The following APBB1IP variants were observed in gnomAD, a reference collection of about 807,000 sequenced individuals.
APBB1IP encodes amyloid beta A4 precursor protein-binding family B member 1-interacting protein.
In APBB1IP, 27 loss-of-function variants were observed where a neutral mutation model predicts 64.9. The observed-to-expected ratio is 0.42, with a 90% confidence interval of 0.31 to 0.57. APBB1IP has a LOEUF of 0.57. APBB1IP is among the 20% of genes least tolerant of loss of function. APBB1IP has a pLI of 0.20. For synonymous variants in APBB1IP, 392 were observed against 331.0 expected (o/e 1.18, Z -2.00); for missense variants, 812 against 845.5 (o/e 0.96, Z 0.49).
At chr10:26,493,589 G>A (rs1203019423) in intron 3 of APBB1IP, among the ~76,000 whole-genome samples, 1 of 152,150 alleles carries the variant, frequency 6.6e-6, no homozygotes, top group African/African-American at 2.4e-5. Context: ...CTGAAGATTG[G>A]CAACATTATA....
At chr10:26,538,874 A>G (rs1836662140) in intron 10 of APBB1IP, among the ~76,000 whole-genome samples, 1 of 152,200 alleles carries the variant, frequency 6.6e-6, no homozygotes, top group Non-Finnish European at 1.5e-5. Flanking sequence ...GCTGTGCCAA[A>G]ACATTAGATA....
At position 26,566,839 on chromosome 10, in the gene APBB1IP, G is replaced by A. The variant is rs1296233830; in HGVS notation, c.1474-122G>A. On this transcript the variant is annotated intron_variant, in intron 14 of 14. Coordinates refer to ENST00000376236, the MANE Select transcript of APBB1IP (RefSeq NM_019043.4). ...GGAGGTCGAGGCTGCAGTAAGTCCA[G>A]ATCGCGCCACTGCACTCAGCCTGGG... is the stretch of plus-strand genomic sequence containing the variant. 8.8e-6 allele frequency: 10 copies of A among 1,141,154 alleles called. No homozygotes were observed. In the East Asian group the frequency reaches 2.8e-4, roughly 32 times the overall value. 70.7% of individuals were successfully genotyped at this position (1,141,154 alleles called of 1,614,324 possible).
At chr10:26,471,325 A>T (rs1249448165) in intron 2 of APBB1IP, among the ~76,000 whole-genome samples, 1 of 152,170 alleles carries the variant, frequency 6.6e-6, no homozygotes, top group Non-Finnish European at 1.5e-5. Flanking sequence ...CTGCAAGATA[A>T]TTTTGGGGAG....
chr10:26,518,956 C>G (rs1836367041), intron 8 of APBB1IP, among the ~76,000 whole-genome samples: 2 of 152,126 alleles, frequency 1.3e-5, no homozygotes, highest in African/African-American at 4.8e-5. Flanking sequence ...CAGCAAGCTA[C>G]TTGTATTGGG....
Position 26,567,150 on chromosome 10 carries a change from C to A in APBB1IP, c.1663C>A (p.Pro555Thr). 1 of 1,414,114 alleles carries A rather than the reference C, an allele frequency of 7.1e-7. No homozygotes were observed. Among genetic ancestry groups the A allele is most frequent in the Admixed American group, 3.1e-5 (1 of 32,690 alleles). The allele number at this position is 1,414,114 out of a possible 1,614,324, so 87.6% of individuals were successfully genotyped here. A position where few individuals can be genotyped will look rare whatever the true frequency, so the allele number is the denominator to read the frequency against. The change falls in exon 15 of 15, where the codon CCG becomes ACG. Residue 555 changes from proline to threonine, a missense_variant. This residue lies in a region of APBB1IP where 381 missense variants were observed against 352.1 expected (regional missense o/e 1.08). Transcript: ENST00000376236. ...GCCCGCCCCACCCGACGACTTCCTG[C>A]CGCCGCCGCCACCGCCGCCGCCCCT... The part of the protein sequence containing the change: ...GLPAPPDDFL[P>T]PPPPPPPLDD...
chr10:26,564,613 G>A (rs1481071187), intron 14 of APBB1IP, among the ~76,000 whole-genome samples: 1 of 152,072 alleles, frequency 6.6e-6, no homozygotes, highest in Non-Finnish European at 1.5e-5. Flanking sequence ...GACCAGAGTG[G>A]CCAATATGTA....
At position 26,511,754 on chromosome 10, in the gene APBB1IP, T is replaced by C; in HGVS notation, c.539T>C (p.Val180Ala). ...CCATGGTTCTATCCTCAGCTCGTCG[T>C]CAAGGTGCACATGAATGATAACAGC... ...LKEAKVKKLV[V>A]KVHMNDNSTK... The change falls in exon 7 of 15, where the codon GTC becomes GCC. Residue 180 changes from valine (V) to alanine (A), a missense_variant. Coordinates refer to ENST00000376236, the MANE Select transcript of APBB1IP (RefSeq NM_019043.4). 6.2e-7 allele frequency: 1 copy of C among 1,614,182 alleles called. No homozygotes were observed. Among genetic ancestry groups the C allele is most frequent in the Non-Finnish European group, 8.5e-7 (1 of 1,180,008 alleles).
At chr10:26,563,031 G>T (rs1272941427) in intron 14 of APBB1IP, among the ~76,000 whole-genome samples, 1 of 152,136 alleles carries the variant, frequency 6.6e-6, no homozygotes, top group Non-Finnish European at 1.5e-5. Context: ...TCTTGGTTTA[G>T]TCAAGTGATT....
intron 6 of APBB1IP, among the ~76,000 whole-genome samples, chr10:26,511,459 T>A (rs1326458359): frequency 1.3e-5 from 2 of 151,994 alleles, no homozygotes; most frequent in African/African-American, 4.8e-5. Flanking sequence ...AGCTAACACT[T>A]TTTTTGTTCT....
chr10:26,448,612 A>T (rs953593227), intron 2 of APBB1IP, among the ~76,000 whole-genome samples: 3 of 152,220 alleles, frequency 2.0e-5, no homozygotes, highest in African/African-American at 7.2e-5. Context: ...AGTAAACAGC[A>T]TTTGCAATTA....
rs1836016901 is a variant in APBB1IP, at chr10:26,495,942, AT to A, written c.73-361del. ...TTTATATAATATATATTTAATATAT[AT>A]AAAATATATTTTATATATATTTAAT... On this transcript the variant is annotated intron_variant, in intron 3 of 14. Transcript: ENST00000376236. Among the ~76,000 whole-genome samples, 21 of 141,040 alleles carry A rather than the reference AT, an allele frequency of 1.5e-4. 1 individual carries two copies. The South Asian group carries it at 4.5e-3, about 30-fold the overall frequency. 92.5% of individuals were successfully genotyped at this position (141,040 alleles called of 152,430 possible). A position where few individuals can be genotyped will look rare whatever the true frequency, so the allele number is the denominator to read the frequency against.
chr10:26,543,902 G>A (rs1179741404), intron 11 of APBB1IP, among the ~76,000 whole-genome samples: 1 of 152,234 alleles, frequency 6.6e-6, no homozygotes, highest in East Asian at 1.9e-4. Flanking sequence ...TCCGAAGGAA[G>A]AGAGATGGGG....
intron 1 of APBB1IP, 52 bp downstream of exon 1, chr10:26,438,507 A>C (rs1298506142): frequency 6.6e-6 from 1 of 151,916 alleles, no homozygotes; most frequent in Non-Finnish European, 1.5e-5. Flanking sequence ...AAATAAAATA[A>C]AATAAAAATC....
intron 11 of APBB1IP, among the ~76,000 whole-genome samples, chr10:26,544,321 A>C (rs541387480): frequency 7.6e-4 from 116 of 152,342 alleles, no homozygotes; most frequent in Non-Finnish European, 1.3e-3. Flanking sequence ...TTTCTGAAAC[A>C]CTGGTCAGTA....
chr10:26,536,324 T>C, intron 10 of APBB1IP, 107 bp downstream of exon 10: 2 of 1,251,960 alleles, frequency 1.6e-6, no homozygotes, highest in Non-Finnish European at 2.2e-6. Context: ...TGCTGCAGAT[T>C]CCATAATCCT....
At position 26,524,974 on chromosome 10, in the gene APBB1IP, T is replaced by TTTTTTTTTTTTTTTTTA. The variant is rs1554778195; in HGVS notation, c.814-8465_814-8464insTTTTTTTTTTTTTTTTA. On this transcript the variant is annotated intron_variant, in intron 8 of 14. Transcript: ENST00000376236. ...TTCTTTCTTTTTTTTTTTTTTTTTT[T>TTTTTTTTTTTTTTTTTA]ATAAAAAAAGGAATCCTGGCAAGAG... Among the ~76,000 whole-genome samples, 459 of 126,534 alleles carry TTTTTTTTTTTTTTTTTA rather than the reference T, an allele frequency of 3.6e-3. 29 individuals are homozygous for TTTTTTTTTTTTTTTTTA. The highest frequency in any genetic ancestry group is 7.6e-3 in the Middle Eastern group (2 of 262). The allele number at this position is 126,534 out of a possible 152,430, so 83.0% of individuals were successfully genotyped here. A position where few individuals can be genotyped will look rare whatever the true frequency, so the allele number is the denominator to read the frequency against.
intron 8 of APBB1IP, among the ~76,000 whole-genome samples, chr10:26,518,972 C>T (rs1311075245): frequency 6.6e-6 from 1 of 152,124 alleles, no homozygotes; most frequent in African/African-American, 2.4e-5. Flanking sequence ...TTGGGCCATT[C>T]TCACACTGCT....
intron 8 of APBB1IP, among the ~76,000 whole-genome samples, chr10:26,515,147 CTGG>C (rs1836310693): frequency 2.0e-5 from 3 of 151,582 alleles, no homozygotes; most frequent in South Asian, 2.1e-4. Flanking sequence ...TCCCAAAGTG[CTGG>C]GATTCCAGGT....
Position 26,511,852 on chromosome 10 carries a change from T to C in APBB1IP, c.637T>C (p.Cys213Arg), listed in dbSNP as rs759440996. 6.2e-7 allele frequency: 1 copy of C among 1,614,204 alleles called. No individual in the cohort carries two copies. Among genetic ancestry groups the C allele is most frequent in the Non-Finnish European group, 8.5e-7 (1 of 1,180,026 alleles). ...VLDNLFEKTH[C>R]DCNVDWCLYE... Reference sequence around the variant, plus strand: ...GGACAACCTTTTCGAGAAAACTCATTGTGACTGCAATGTAGACTGGTGTCT... The same window carrying C: ...GGACAACCTTTTCGAGAAAACTCATCGTGACTGCAATGTAGACTGGTGTCT... Residue 213 changes from cysteine to arginine, a missense_variant, in exon 7 of 15, where the codon TGT (cysteine) becomes CGT (arginine). Physicochemically the swap from Cys to Arg is radical, Grantham distance 180 (BLOSUM62 -3). Coordinates refer to ENST00000376236, the MANE Select transcript of APBB1IP (RefSeq NM_019043.4).
Sources: allele counts gnomAD v4.1 joint callset (sites outside exome capture counted in the v4.1 genomes callset), GRCh38; gene constraint gnomAD v4.1.1; regional missense constraint gnomAD v4.1.1; transcripts MANE v1.5; gene names NCBI Gene and HGNC (gene_info 2026-07-23, HGNC 2026-07-21).